Variants in CLEC4F observed in about 807,000 individuals in gnomAD.
CLEC4F encodes the protein C-type (calcium dependent, carbohydrate-recognition domain) lectin, superfamily member 13.
CLEC4F carries 45 observed loss-of-function variants against 53.4 expected under a neutral mutation model. That is an observed-to-expected ratio of 0.84 (90% CI 0.66 to 1.08). The LOEUF (loss-of-function observed/expected upper bound fraction) is 1.08, where lower values mean the gene tolerates loss of function less well. Among genes scored for constraint, CLEC4F ranks in the 50% least tolerant of loss-of-function variants. The probability of loss-of-function intolerance (pLI) is 0.00; values close to 1 mark genes in which losing one functional copy is unlikely to be tolerated. For missense variants in CLEC4F, 753 were observed against 698.2 expected, an observed-to-expected ratio of 1.08 and a Z score of -0.88; for synonymous variants, 245 against 257.5, an observed-to-expected ratio of 0.95 and a Z score of 0.46.
intron 6 of CLEC4F, 144 bp from the exon 7 acceptor site, chr2:70,809,526 T>C (rs1355168618): frequency 2.7e-5 from 25 of 929,366 alleles, no homozygotes; most frequent in Non-Finnish European, 3.9e-5. Context: ...CGCACACACA[T>C]CACACACATA....
At chr2:70,823,144 G>A (rs184047074), upstream of CLEC4F, among the ~76,000 whole-genome samples, 9 of 151,352 alleles carry the variant, frequency 5.9e-5, no homozygotes, top group African/African-American at 2.2e-4. Flanking sequence ...TGTGTGTGTT[G>A]AACTGTGCAG....
intron 2 of CLEC4F, 30 bp from the exon 3 acceptor site, chr2:70,819,474 A>C (rs1677109539): frequency 6.3e-7 from 1 of 1,596,260 alleles, no homozygotes; most frequent in African/African-American, 1.3e-5. Flanking sequence ...CAGGTCAGCA[A>C]ATCCCCAGCC....
At chr2:70,821,873 C>T (rs895850221), upstream of CLEC4F, among the ~76,000 whole-genome samples, 1 of 152,170 alleles carries the variant, frequency 6.6e-6, no homozygotes, top group Non-Finnish European at 1.5e-5. Flanking sequence ...TCCAGCATAA[C>T]CCCAGCATAA....
At chr2:70,809,483 G>A in intron 6 of CLEC4F, 101 bp from the exon 7 acceptor site, 5 of 1,323,478 alleles carry the variant, frequency 3.8e-6, no homozygotes, top group African/African-American at 1.5e-5. Context: ...GAGGAGTCCA[G>A]GTGAGAGCGA....
chr2:70,818,628 A>G lies in CLEC4F; in HGVS notation c.268+727T>C, dbSNP rs370880897. Among the ~76,000 whole-genome samples the G allele has an allele frequency of 8.5e-5, 13 of 152,058 alleles. No homozygotes were observed. In the East Asian group the frequency reaches 1.7e-3, roughly 20 times the overall value. ...CCAGAGGCTGAGGCAGGAGAATGGCATGAACCTGGGAGGCAGAGCTTGCAG... is the reference window on the plus strand; with the variant it reads ...CCAGAGGCTGAGGCAGGAGAATGGCGTGAACCTGGGAGGCAGAGCTTGCAG... On this transcript the variant is annotated intron_variant, in intron 3 of 6. Transcript: ENST00000272367.
At chr2:70,819,485 C>G in intron 2 of CLEC4F, 41 bp from the exon 3 acceptor site, 1 of 1,573,952 alleles carries the variant, frequency 6.4e-7, no homozygotes. Context: ...ATCCCCAGCC[C>G]TGAGCCTGGG....
intron 4 of CLEC4F, among the ~76,000 whole-genome samples, chr2:70,812,816 C>T (rs77438764): frequency 0.039 from 5,970 of 152,240 alleles, 406 homozygotes; most frequent in African/African-American, 0.14. Context: ...TTGGGCACTC[C>T]TGGGAGGCTC....
intron 4 of CLEC4F, among the ~76,000 whole-genome samples, chr2:70,813,523 C>CTTTCTTTCTTTCTTTT (rs1303624858): frequency 2.0e-5 from 3 of 150,250 alleles, no homozygotes; most frequent in South Asian, 2.1e-4. Flanking sequence ...TTCTTTCTTT[C>CTTTCTTTCTTTCTTTT]TTTCTTTCTT....
rs1553395683 is a variant in CLEC4F, at chr2:70,816,038, A to G, written c.1343T>C (p.Leu448Pro). Residue 448 changes from leucine to proline, a missense_variant, in exon 4 of 7, where the codon CTC (leucine) becomes CCC (proline). Transcript: ENST00000272367. ...IQQEQSRLKTLHVVITSQEQL... is the reference protein window; with the variant it reads ...IQQEQSRLKTPHVVITSQEQL... Reference sequence around the variant, plus strand: ...TTCCTGTGAAGTAATGACCACATGGAGGGTCTTCAGGCGACTCTGCTCCTG... The same window carrying G: ...TTCCTGTGAAGTAATGACCACATGGGGGGTCTTCAGGCGACTCTGCTCCTG... The G allele has an allele frequency of 6.2e-7, 1 of 1,614,116 alleles. No individual in the cohort carries two copies.
rs782567470 is a variant in CLEC4F at position 70,816,407 on chromosome 2, T to A, written c.974A>T (p.Glu325Val). Reference protein sequence around the residue: ...AEIQFLRGHLERAGDEIHVLK... With the variant: ...AEIQFLRGHLVRAGDEIHVLK... Reference sequence around the variant, plus strand: ...CACGTGAATTTCATCACCAGCTCTTTCCAAATGACCTCTTAAGAACTGGAT... The same window carrying A: ...CACGTGAATTTCATCACCAGCTCTTACCAAATGACCTCTTAAGAACTGGAT... Residue 325 changes from glutamate to valine, a missense_variant, in exon 4 of 7, where the codon GAA (glutamate) becomes GTA (valine). Transcript: ENST00000272367. The A allele has an allele frequency of 1.2e-6, 2 of 1,613,924 alleles. No individual in the cohort carries two copies. The highest frequency in any genetic ancestry group is 1.7e-5 in the Admixed American group (1 of 59,956).
chr2:70,814,399 G>C (rs924731341), intron 4 of CLEC4F, among the ~76,000 whole-genome samples: 2 of 152,082 alleles, frequency 1.3e-5, no homozygotes, highest in Non-Finnish European at 2.9e-5. Context: ...ATAAATCAGG[G>C]GTTCGAAAAG....
upstream of CLEC4F, among the ~76,000 whole-genome samples, chr2:70,825,189 TC>T (rs1233966657): frequency 6.6e-6 from 1 of 152,108 alleles, no homozygotes; most frequent in African/African-American, 2.4e-5. Flanking sequence ...TAAGGGACAA[TC>T]TACAAAGTAC....
At chr2:70,824,622 CAAA>C (rs1180721472), upstream of CLEC4F, among the ~76,000 whole-genome samples, 1 of 38,768 alleles carries the variant, frequency 2.6e-5, no homozygotes, top group Middle Eastern at 0.022. Context: ...GCTTAGTTAC[CAAA>C]AAAAAAAAAA....
chr2:70,823,815 G>C (rs1553398473), upstream of CLEC4F, among the ~76,000 whole-genome samples: 2 of 152,064 alleles, frequency 1.3e-5, no homozygotes, highest in East Asian at 3.9e-4. Context: ...GATCACTTGA[G>C]GCCAAGAGTT....
rs1423507955 is a variant in CLEC4F at position 70,816,218 on chromosome 2, C to T, written c.1163G>A (p.Arg388Lys). ...VLNGHMKNASREIQTLKQGMK... is the reference protein window; with the variant it reads ...VLNGHMKNASKEIQTLKQGMK... Reference sequence around the variant, plus strand: ...TCCTTGTTTTAGGGTCTGTATCTCTCTGCTGGCATTTTTCATATGACCATT... The same window carrying T: ...TCCTTGTTTTAGGGTCTGTATCTCTTTGCTGGCATTTTTCATATGACCATT... The change falls in exon 4 of 7, where the codon AGA (arginine) becomes AAA (lysine). Residue 388 changes from arginine (R) to lysine (K), a missense_variant. Arg to Lys is a conservative substitution (Grantham distance 26). Coordinates refer to ENST00000272367, the MANE Select transcript of CLEC4F (RefSeq NM_173535.3). 3 of 1,614,186 alleles carry T rather than the reference C, an allele frequency of 1.9e-6. No individual in the cohort carries two copies. The highest frequency in any genetic ancestry group is 3.3e-5 in the Admixed American group (2 of 60,016).
At chr2:70,817,878 A>G (rs1558618776) in intron 3 of CLEC4F, among the ~76,000 whole-genome samples, 2 of 152,332 alleles carry the variant, frequency 1.3e-5, no homozygotes, top group East Asian at 3.9e-4. Flanking sequence ...AAACCTGAGT[A>G]AAAGGCCTTG....
upstream of CLEC4F, among the ~76,000 whole-genome samples, chr2:70,820,815 C>G (rs1677195541): frequency 6.6e-6 from 1 of 152,152 alleles, no homozygotes; most frequent in Admixed American, 6.5e-5. Flanking sequence ...CAGCATAACC[C>G]CAAACACACC....
chr2:70,816,384 C>A lies in CLEC4F; in HGVS notation c.997G>T (p.Val333Leu), dbSNP rs150268223. 4 of 1,613,832 alleles carry A rather than the reference C, an allele frequency of 2.5e-6. No individual in the cohort carries two copies. The highest frequency in any genetic ancestry group is 2.5e-6 in the Non-Finnish European group (3 of 1,179,940). Residue 333 changes from valine (V) to leucine (L), a missense_variant, in exon 4 of 7, where the codon GTG (valine) becomes TTG (leucine). Val to Leu is a conservative substitution (Grantham distance 32, BLOSUM62 1). Transcript: ENST00000272367. ...HLERAGDEIH[V>L]LKRDLKMVTA... is the part of the protein sequence containing the mutation. The stretch of plus-strand genomic sequence containing the variant: ...ACCATTTTCAAATCCCTTTTTAACA[C>A]GTGAATTTCATCACCAGCTCTTTCC...
At chr2:70,813,217 T>C (rs566938204) in intron 4 of CLEC4F, among the ~76,000 whole-genome samples, 1 of 152,238 alleles carries the variant, frequency 6.6e-6, no homozygotes, top group Non-Finnish European at 1.5e-5. Context: ...TGTTCTTTTG[T>C]TCAACGTGCA....
Sources: gnomAD v4.1 joint callset for allele counts (sites outside exome capture counted in the v4.1 genomes callset) on GRCh38, gnomAD v4.1.1 for gene constraint, MANE v1.5 for transcripts, NCBI Gene and HGNC (gene_info 2026-07-23, HGNC 2026-07-21) for gene names.